Variants in MROH1 observed in about 807,000 individuals in gnomAD.
MROH1 encodes maestro heat-like repeat-containing protein family member 1.
MROH1 carries 117 observed loss-of-function variants against 116.5 expected under a neutral mutation model. That is an observed-to-expected ratio of 1.00 (90% confidence interval 0.86 to 1.17). MROH1 has a LOEUF of 1.17. Among genes scored for constraint, MROH1 ranks in the 50% most tolerant of loss-of-function variants. The pLI is 0.00. For missense variants in MROH1, 1,873 were observed against 1,338.5 expected (o/e 1.40, Z -6.23); for synonymous variants, 921 against 583.9 (o/e 1.58, Z -8.32).
At chr8:144,214,979 C>T (rs1834933032) in intron 12 of MROH1, among the ~76,000 whole-genome samples, 1 of 152,144 alleles carries the variant, frequency 6.6e-6, no homozygotes, top group African/African-American at 2.4e-5. Flanking sequence ...GAGGCTAAGC[C>T]AGTCTAGTCT....
intron 12 of MROH1, among the ~76,000 whole-genome samples, chr8:144,210,063 C>T (rs1376576927): frequency 4.6e-5 from 7 of 151,832 alleles, no homozygotes; most frequent in Non-Finnish European, 1.0e-4. Context: ...ATTCCAGTCA[C>T]AGTTCTTCAC....
At chr8:144,177,708 C>T (rs369044068) in intron 4 of MROH1, among the ~76,000 whole-genome samples, 30 of 152,236 alleles carry the variant, frequency 2.0e-4, no homozygotes, top group Admixed American at 9.2e-4. Context: ...ATCCTGGGGG[C>T]GACTTCCCCC....
chr8:144,231,127 A>G (rs1351309627), intron 14 of MROH1, among the ~76,000 whole-genome samples: 1 of 147,818 alleles, frequency 6.8e-6, no homozygotes, highest in East Asian at 2.0e-4. Flanking sequence ...GGTTGGGGGT[A>G]AGGTCACAGA....
At chr8:144,200,624 G>C (rs1830904275) in intron 12 of MROH1, 83 bp downstream of exon 12, 3 of 962,704 alleles carry the variant, frequency 3.1e-6, no homozygotes, top group Non-Finnish European at 4.8e-6. Flanking sequence ...GTCCCTCTAA[G>C]TGAAAGCACC....
rs561902621 is a variant in MROH1 at position 144,195,195 on chromosome 8, TAAAAAAAAAA to T, written c.948+2809_948+2818del. 3.4e-4 allele frequency among the ~76,000 whole-genome samples: 4 copies of T among 11,682 alleles called. 1 individual carries two copies. The highest frequency in any genetic ancestry group is 9.5e-4 in the African/African-American group (3 of 3,142). 7.7% of individuals were successfully genotyped at this position (11,682 alleles called of 152,430 possible). A position where few individuals can be genotyped will look rare whatever the true frequency, so the allele number is the denominator to read the frequency against. On this transcript the variant is annotated intron_variant, in intron 10 of 43. Transcript: ENST00000326134. Reference sequence around the variant, plus strand: ...GGGTGACAGTGCGAGACTGTGTCTTTAAAAAAAAAAAAAAAAAAAAAAAAGGCCGAGTGCC... The same window carrying T: ...GGGTGACAGTGCGAGACTGTGTCTTTAAAAAAAAAAAAAAGGCCGAGTGCC...
intron 4 of MROH1, among the ~76,000 whole-genome samples, chr8:144,171,777 C>T (rs1451822923): frequency 3.3e-5 from 5 of 152,180 alleles, no homozygotes; most frequent in Admixed American, 6.5e-5. Context: ...ACTGCCTGAC[C>T]ATCACCTGAT....
At position 144,191,767 on chromosome 8, in the gene MROH1, G is replaced by A. The variant is rs1482535572; in HGVS notation, c.767G>A (p.Ser256Asn). ...ALGPMSHLLP[S>N]ERLEEQLPKL... ...GGGCCTATGAGCCATCTGCTGCCCA[G>A]TGAGAGGCTGGAAGAGCAGCTGCCC... The change falls in exon 9 of 44, where the codon AGT (serine) becomes AAT (asparagine). Residue 256 changes from serine to asparagine, a missense_variant. By Grantham distance (46) the Ser-to-Asn change is conservative (BLOSUM62 1). Transcript: ENST00000326134. The A allele has an allele frequency of 4.3e-6, 7 of 1,613,166 alleles. No individual in the cohort carries two copies. The highest frequency in any genetic ancestry group is 5.1e-6 in the Non-Finnish European group (6 of 1,179,790).
chr8:144,237,196 C>T (rs1284462272), intron 14 of MROH1, among the ~76,000 whole-genome samples: 2 of 151,728 alleles, frequency 1.3e-5, no homozygotes, highest in Admixed American at 6.6e-5. Flanking sequence ...TGAGCCACCA[C>T]GCCTGGCCAG....
chr8:144,153,598 T>G (rs1389612775), intron 1 of MROH1, among the ~76,000 whole-genome samples: 1 of 152,212 alleles, frequency 6.6e-6, no homozygotes, highest in Non-Finnish European at 1.5e-5. Flanking sequence ...ATTTTCTTTA[T>G]TCATTCATCC....
At chr8:144,174,813 A>G (rs555291513) in intron 4 of MROH1, 136 of 985,046 alleles carry the variant, frequency 1.4e-4, no homozygotes, top group Admixed American at 2.5e-4. Flanking sequence ...GTAGATTCCT[A>G]TGCCTTTTTC....
chr8:144,243,457 G>C, intron 24 of MROH1, 37 bp from the exon 25 acceptor site: 1 of 776,710 alleles, frequency 1.3e-6, no homozygotes, highest in African/African-American at 1.7e-5. Context: ...CCTGGAGGGC[G>C]GGCGTGGGCG....
At chr8:144,230,802 C>CTTTT (rs1161687289) in intron 14 of MROH1, among the ~76,000 whole-genome samples, 21 of 68,588 alleles carry the variant, frequency 3.1e-4, no homozygotes, top group Non-Finnish European at 4.0e-4. Context: ...AAAAGGTTTT[C>CTTTT]TTTTTTTTTT....
At chr8:144,178,196 C>T (rs1476354344) in intron 4 of MROH1, among the ~76,000 whole-genome samples, 3 of 150,306 alleles carry the variant, frequency 2.0e-5, no homozygotes, top group South Asian at 2.1e-4. Flanking sequence ...TGCAGTGGCG[C>T]GATCTCGGCT....
chr8:144,244,195 G>A, intron 26 of MROH1, 27 bp from the exon 27 acceptor site: 3 of 716,048 alleles, frequency 4.2e-6, no homozygotes, highest in Admixed American at 2.0e-5. Context: ...TAGGATCATT[G>A]TCTGGGGCCC....
intron 4 of MROH1, among the ~76,000 whole-genome samples, chr8:144,169,691 G>A (rs1340069404): frequency 6.9e-6 from 1 of 145,240 alleles, no homozygotes; most frequent in Non-Finnish European, 1.5e-5. Flanking sequence ...CACCCAGGCT[G>A]GAGTGCAGTG....
chr8:144,259,425 T>G, intron 37 of MROH1, 71 bp downstream of exon 37: 1 of 704,786 alleles, frequency 1.4e-6, no homozygotes. Flanking sequence ...CGGGATGCCC[T>G]TTTCTTACCC....
intron 33 of MROH1, chr8:144,251,239 A>C (rs1842801965): frequency 6.5e-6 from 1 of 153,958 alleles, no homozygotes; most frequent in Non-Finnish European, 1.4e-5. Flanking sequence ...ACCCGCAGGC[A>C]CCTTCTGCTC....
intron 29 of MROH1, 64 bp from the exon 30 acceptor site, chr8:144,247,237 A>G: frequency 1.4e-6 from 1 of 737,682 alleles, no homozygotes; most frequent in Non-Finnish European, 2.5e-6. Context: ...CTCTGGGTAC[A>G]GGTGGCATAG....
At chr8:144,235,858 C>T (rs1839954944) in intron 14 of MROH1, among the ~76,000 whole-genome samples, 1 of 152,114 alleles carries the variant, frequency 6.6e-6, no homozygotes, top group African/African-American at 2.4e-5. Flanking sequence ...CAATTTTTTT[C>T]CAACTCATTT....
Sources: gnomAD v4.1 joint callset for allele counts (sites outside exome capture counted in the v4.1 genomes callset) on GRCh38, gnomAD v4.1.1 for gene constraint, MANE v1.5 for transcripts, NCBI Gene and HGNC (gene_info 2026-07-23, HGNC 2026-07-21) for gene names.